The following TMEM232 variants were observed in gnomAD, a reference collection of about 807,000 sequenced individuals.
TMEM232 encodes transmembrane protein 232.
TMEM232 carries 80 observed loss-of-function variants against 78.8 expected under a neutral mutation model. That is an observed-to-expected ratio of 1.01 (90% CI 0.85 to 1.22). The LOEUF is 1.22. TMEM232 is among the 50% of genes most tolerant of loss of function. The pLI, the probability that TMEM232 is intolerant of heterozygous loss-of-function variation, is 0.00. For missense variants in TMEM232, 881 were observed against 742.2 expected (o/e 1.19, Z -2.17); for synonymous variants, 297 against 254.3 (o/e 1.17, Z -1.60).
rs370561094 is a variant in TMEM232 at position 110,614,248 on chromosome 5, G to C, written c.902+4181C>G. The stretch of plus-strand genomic sequence containing the variant: ...CAGAAAAAGTCAGGATTCAGTGACA[G>C]GCTGTCTCAAAGCAGTTATCTGCTT... On this transcript the variant is annotated intron_variant, in intron 8 of 13. Transcript: ENST00000455884. 7.2e-5 allele frequency among the ~76,000 whole-genome samples: 11 copies of C among 152,176 alleles called. No homozygotes were observed. The East Asian group carries it at 1.5e-3, about 21-fold the overall frequency.
At chr5:110,540,524 G>A (rs989475653) in intron 11 of TMEM232, among the ~76,000 whole-genome samples, 2 of 152,148 alleles carry the variant, frequency 1.3e-5, no homozygotes, top group African/African-American at 4.8e-5. Flanking sequence ...TCATTCCTGC[G>A]AGCAGGTCAT....
chr5:110,476,743 A>C (rs1763297683), intron 12 of TMEM232, among the ~76,000 whole-genome samples: 2 of 152,080 alleles, frequency 1.3e-5, no homozygotes, highest in South Asian at 4.1e-4. Context: ...TGTAATTATT[A>C]CAGCACGTTT....
Position 110,697,774 on chromosome 5 carries a change from C to CCATTAAAAA in TMEM232, c.-13+28852_-13+28853insTTTTTAATG, listed in dbSNP as rs572760175. On this transcript the variant is annotated intron_variant, in intron 1 of 13. Coordinates refer to ENST00000455884, the MANE Select transcript of TMEM232 (RefSeq NM_001039763.4). ...TACCATCTCACACCAGTTAAAATGG[C>CCATTAAAAA]GATCATTAAAAAGTCAGGAAACAAC... Among the ~76,000 whole-genome samples the CCATTAAAAA allele has an allele frequency of 6.6e-5, 10 of 152,200 alleles. No individual in the cohort carries two copies. The East Asian group carries it at 1.9e-3, about 29-fold the overall frequency.
At chr5:110,703,685 G>C (rs1580731120) in intron 1 of TMEM232, among the ~76,000 whole-genome samples, 1 of 152,182 alleles carries the variant, frequency 6.6e-6, no homozygotes, top group Middle Eastern at 3.4e-3. Flanking sequence ...TTTGGAACAG[G>C]TAACTCCCTC....
At chr5:110,632,931 A>G (rs1243179749) in intron 5 of TMEM232, among the ~76,000 whole-genome samples, 1 of 152,182 alleles carries the variant, frequency 6.6e-6, no homozygotes, top group Non-Finnish European at 1.5e-5. Flanking sequence ...TTTCCATGGT[A>G]CATTACAGTC....
At chr5:110,482,004 TAAAC>T (rs1763921082) in intron 12 of TMEM232, among the ~76,000 whole-genome samples, 1 of 152,146 alleles carries the variant, frequency 6.6e-6, no homozygotes. Flanking sequence ...CTAAATATTC[TAAAC>T]AAACTAAAAA....
At chr5:110,545,325 G>T (rs969062442) in intron 11 of TMEM232, among the ~76,000 whole-genome samples, 3 of 151,764 alleles carry the variant, frequency 2.0e-5, no homozygotes, top group Non-Finnish European at 4.4e-5. Flanking sequence ...GGCTCAAATG[G>T]GTTAATATAC....
At chr5:110,390,067 C>T (rs1242007072) in intron 4 of TMEM232, among the ~76,000 whole-genome samples, 1 of 152,096 alleles carries the variant, frequency 6.6e-6, no homozygotes, top group Non-Finnish European at 1.5e-5. Context: ...TGGGGTATAC[C>T]AGGAAATAAA....
chr5:110,459,541 G>T (rs1418222955), intron 12 of TMEM232, among the ~76,000 whole-genome samples: 1 of 152,082 alleles, frequency 6.6e-6, no homozygotes, highest in Admixed American at 6.6e-5. Flanking sequence ...TCTTTTAGGA[G>T]AATGCTAACT....
At chr5:110,705,933 G>A (rs1167398901) in intron 1 of TMEM232, among the ~76,000 whole-genome samples, 1 of 151,842 alleles carries the variant, frequency 6.6e-6, no homozygotes, top group East Asian at 1.9e-4. Flanking sequence ...GGAAAAGGAT[G>A]CTTCTGTTGG....
At chr5:110,402,612 C>T (rs888648141) in intron 2 of TMEM232, among the ~76,000 whole-genome samples, 5 of 152,054 alleles carry the variant, frequency 3.3e-5, no homozygotes, top group Admixed American at 6.6e-5. Flanking sequence ...AGTCTCAGCA[C>T]GATGGGAACA....
chr5:110,426,274 C>T (rs895980718), intron 12 of TMEM232, among the ~76,000 whole-genome samples: 3 of 151,896 alleles, frequency 2.0e-5, no homozygotes, highest in African/African-American at 7.3e-5. Flanking sequence ...TTTATCATGT[C>T]CCTGTGTGAG....
intron 2 of TMEM232, among the ~76,000 whole-genome samples, chr5:110,407,635 A>G (rs920556848): frequency 6.6e-6 from 1 of 152,178 alleles, no homozygotes; most frequent in African/African-American, 2.4e-5. Flanking sequence ...GACAGATAAC[A>G]AAGAAACAGC....
chr5:110,520,155 G>A (rs1769291170), intron 12 of TMEM232, among the ~76,000 whole-genome samples: 1 of 151,648 alleles, frequency 6.6e-6, no homozygotes. Context: ...CAAAATAAAA[G>A]GGTGGAGTTG....
chr5:110,686,607 C>A (rs1019810269), intron 1 of TMEM232, among the ~76,000 whole-genome samples: 1 of 151,916 alleles, frequency 6.6e-6, no homozygotes, highest in Non-Finnish European at 1.5e-5. Context: ...TTATAGATAA[C>A]CAGAACCCTT....
intron 7 of TMEM232, 78 bp from the exon 8 acceptor site, chr5:110,618,640 A>C (rs1182728362): frequency 7.4e-6 from 10 of 1,358,278 alleles, no homozygotes; most frequent in Non-Finnish European, 9.9e-6. Context: ...AACAAACATG[A>C]AAATAAATTT....
At chr5:110,727,116 A>G (rs1443603601), upstream of TMEM232, among the ~76,000 whole-genome samples, 1 of 152,214 alleles carries the variant, frequency 6.6e-6, no homozygotes, top group Non-Finnish European at 1.5e-5. Context: ...ATGTTCTGCT[A>G]TGTACTAAAC....
At chr5:110,393,256 GTGT>G (rs1329978872) in intron 3 of TMEM232, among the ~76,000 whole-genome samples, 20 of 152,316 alleles carry the variant, frequency 1.3e-4, no homozygotes, top group African/African-American at 3.6e-4. Context: ...TGAGAGAAAA[GTGT>G]TGATGTATCC....
At chr5:110,612,114 C>G (rs2149860691) in intron 8 of TMEM232, among the ~76,000 whole-genome samples, 1 of 152,004 alleles carries the variant, frequency 6.6e-6, no homozygotes, top group South Asian at 2.1e-4. Context: ...TTTCATATTA[C>G]TTATCTCATT....
Sources: allele counts gnomAD v4.1 joint callset (sites outside exome capture counted in the v4.1 genomes callset), GRCh38; gene constraint gnomAD v4.1.1; transcripts MANE v1.5; gene names NCBI Gene and HGNC (gene_info 2026-07-23, HGNC 2026-07-21).